NTRK3: variants seen among roughly 807,000 people sequenced by gnomAD.
The protein encoded by NTRK3 is NT-3 growth factor receptor.
NTRK3 carries 24 observed loss-of-function variants against 91.7 expected under a neutral mutation model. The ratio of observed to expected loss-of-function variants is 0.26; its 90% CI spans 0.19 to 0.37. The LOEUF is 0.37. NTRK3 is among the 10% of genes least tolerant of loss of function. The probability of loss-of-function intolerance (pLI) is 1.00; values close to 1 mark genes in which losing one functional copy is unlikely to be tolerated. For missense variants in NTRK3, 880 were observed against 1,068.9 expected (o/e 0.82, Z 2.46); for synonymous variants, 483 against 404.0 (o/e 1.20, Z -2.34).
At position 87,913,768 on chromosome 15, in the gene NTRK3, C is replaced by T. The variant is rs146815534; in HGVS notation, c.2133+15423G>A. ...AAAATGAAGAAAATACAATTGGCCTCTTTACGATCAGCAGAAAATGAATGA... is the reference window on the plus strand; with the variant it reads ...AAAATGAAGAAAATACAATTGGCCTTTTTACGATCAGCAGAAAATGAATGA... On this transcript the variant is annotated intron_variant, in intron 17 of 18. Coordinates refer to ENST00000394480, the Ensembl canonical transcript of NTRK3. Among the ~76,000 whole-genome samples, 11 of 152,322 alleles carry T rather than the reference C, an allele frequency of 7.2e-5. No individual in the cohort carries two copies. The East Asian group carries it at 1.9e-3, about 27-fold the overall frequency.
At chr15:88,113,619 C>CTT (rs199659076) in intron 13 of NTRK3, among the ~76,000 whole-genome samples, 1 of 151,562 alleles carries the variant, frequency 6.6e-6, no homozygotes, top group Non-Finnish European at 1.5e-5. Flanking sequence ...GCTGGTCTAA[C>CTT]TTTTTTTTTA....
chr15:88,102,685 G>C (rs1302696633), intron 13 of NTRK3, among the ~76,000 whole-genome samples: 4 of 152,056 alleles, frequency 2.6e-5, no homozygotes, highest in African/African-American at 9.7e-5. Context: ...GGAAGAATTG[G>C]CTTGAAGATT....
At chr15:87,944,874 G>A (rs1038927894) in intron 14 of NTRK3, among the ~76,000 whole-genome samples, 11 of 152,210 alleles carry the variant, frequency 7.2e-5, no homozygotes, top group African/African-American at 1.2e-4. Flanking sequence ...CACTTCTGAC[G>A]TCCACGCGTC....
At chr15:88,199,705 T>G (rs999094018) in intron 3 of NTRK3, among the ~76,000 whole-genome samples, 1 of 152,202 alleles carries the variant, frequency 6.6e-6, no homozygotes. Context: ...GTCAAAGTGG[T>G]GTCTGTGCCC....
chr15:88,161,033 T>C (rs2044403781), intron 5 of NTRK3, among the ~76,000 whole-genome samples: 1 of 152,196 alleles, frequency 6.6e-6, no homozygotes, highest in South Asian at 2.1e-4. Flanking sequence ...GCATGTCAAA[T>C]GCCCAACACA....
At chr15:88,047,001 T>C (rs1339658266) in intron 13 of NTRK3, among the ~76,000 whole-genome samples, 1 of 152,196 alleles carries the variant, frequency 6.6e-6, no homozygotes, top group African/African-American at 2.4e-5. Flanking sequence ...GTGCCTGCCC[T>C]GACCGCCCTG....
At chr15:88,038,574 A>G (rs980331389) in intron 13 of NTRK3, among the ~76,000 whole-genome samples, 1 of 152,194 alleles carries the variant, frequency 6.6e-6, no homozygotes, top group African/African-American at 2.4e-5. Flanking sequence ...TTCATCAGCC[A>G]TAACAAATGC....
intron 13 of NTRK3, among the ~76,000 whole-genome samples, chr15:88,119,648 C>A (rs2052487445): frequency 6.6e-6 from 1 of 152,186 alleles, no homozygotes; most frequent in South Asian, 2.1e-4. Context: ...TACCCTCCTC[C>A]CTTGCACATG....
intron 13 of NTRK3, among the ~76,000 whole-genome samples, chr15:88,091,506 G>C (rs1275443899): frequency 2.0e-5 from 3 of 152,210 alleles, no homozygotes; most frequent in Non-Finnish European, 2.9e-5. Context: ...GAAGTATTCT[G>C]TGCCTGATTT....
chr15:87,951,761 C>T (rs1010847722), intron 14 of NTRK3, among the ~76,000 whole-genome samples: 3 of 152,192 alleles, frequency 2.0e-5, no homozygotes, highest in Non-Finnish European at 4.4e-5. Context: ...AAATGGAAGG[C>T]AGGCCCGAAG....
chr15:87,955,353 T>TA (rs2071548983), intron 14 of NTRK3, among the ~76,000 whole-genome samples: 1 of 152,210 alleles, frequency 6.6e-6, no homozygotes, highest in Non-Finnish European at 1.5e-5. Context: ...CCCTAGGCCA[T>TA]AGGTGTTTAA....
At position 88,237,893 on chromosome 15, in the gene NTRK3, T is replaced by C. The variant is rs2051946933; in HGVS notation, c.248+18013A>G. Among the ~76,000 whole-genome samples the C allele has an allele frequency of 6.6e-6, 1 of 152,246 alleles. No individual in the cohort carries two copies. The highest frequency in any genetic ancestry group is 1.5e-5 in the Non-Finnish European group (1 of 68,048). On this transcript the variant is annotated intron_variant, in intron 3 of 18. Transcript: ENST00000394480. This position sits in a 1 kb window ranked among gnomAD's most constrained non-coding sequence, Gnocchi z 4.0. ...TTTTATGATTGTTATAATATTTTTG[T>C]GTTCCCCTCAAAATTCCTTTGTTGA...
intron 3 of NTRK3, among the ~76,000 whole-genome samples, chr15:88,219,827 G>A (rs1265958344): frequency 6.6e-6 from 1 of 152,184 alleles, no homozygotes; most frequent in Non-Finnish European, 1.5e-5. Flanking sequence ...CATGCTCTCT[G>A]CACCCCTCTG....
At chr15:87,996,300 G>C (rs2075697639) in intron 14 of NTRK3, among the ~76,000 whole-genome samples, 1 of 152,118 alleles carries the variant, frequency 6.6e-6, no homozygotes, top group African/African-American at 2.4e-5. Flanking sequence ...GAGTTGTACA[G>C]AAACAGGCTG....
At chr15:88,154,478 A>T (rs2043699042) in intron 5 of NTRK3, among the ~76,000 whole-genome samples, 1 of 152,196 alleles carries the variant, frequency 6.6e-6, no homozygotes. Flanking sequence ...TTCCTACATC[A>T]TTGATATATT....
At chr15:87,902,435 G>T (rs2066510196) in intron 17 of NTRK3, among the ~76,000 whole-genome samples, 1 of 152,306 alleles carries the variant, frequency 6.6e-6, no homozygotes, top group East Asian at 1.9e-4. Context: ...CATTAGCCTT[G>T]ATTGTTTGGA....
intron 13 of NTRK3, among the ~76,000 whole-genome samples, chr15:88,059,992 G>C (rs1371555495): frequency 1.3e-5 from 2 of 152,158 alleles, no homozygotes; most frequent in Non-Finnish European, 2.9e-5. Context: ...CCTTGAGCTT[G>C]AACTCCAGAA....
chr15:87,929,705 T>G (rs965220626), intron 16 of NTRK3, among the ~76,000 whole-genome samples: 1 of 152,210 alleles, frequency 6.6e-6, no homozygotes, highest in Non-Finnish European at 1.5e-5. Flanking sequence ...ATTTCACTGC[T>G]TCCTAGGATT....
Position 87,910,409 on chromosome 15 carries a change from C to T in NTRK3, c.2133+18782G>A, listed in dbSNP as rs1049353407. 8.5e-5 allele frequency among the ~76,000 whole-genome samples: 13 copies of T among 152,268 alleles called. No individual in the cohort carries two copies. In the South Asian group the frequency reaches 2.7e-3, roughly 32 times the overall value. On this transcript the variant is annotated intron_variant, in intron 17 of 18. Coordinates refer to ENST00000394480, the Ensembl canonical transcript of NTRK3. ...AGAAATGGCTCCCCTTTGGGAAGCTCCCAAGAGAGTTTTCACGGATGCTAA... is the reference window on the plus strand; with the variant it reads ...AGAAATGGCTCCCCTTTGGGAAGCTTCCAAGAGAGTTTTCACGGATGCTAA...
Sources: allele counts gnomAD v4.1 joint callset (sites outside exome capture counted in the v4.1 genomes callset), GRCh38; gene constraint gnomAD v4.1.1; non-coding constraint Gnocchi (gnomAD v3.1); transcripts MANE v1.5; gene names NCBI Gene and HGNC (gene_info 2026-07-23, HGNC 2026-07-21).